The following COL21A1 variants were observed in gnomAD, a reference collection of about 807,000 sequenced individuals.
The protein encoded by COL21A1 is collagen type XXI alpha 1 chain, also known as collagen alpha-1(XXI) chain.
COL21A1 carries 149 observed loss-of-function variants against 137.9 expected under a neutral mutation model. That is an observed-to-expected ratio of 1.08 (90% CI 0.95 to 1.24). The LOEUF (loss-of-function observed/expected upper bound fraction) is 1.24. Among genes scored for constraint, COL21A1 ranks in the 50% most tolerant of loss-of-function variants. The pLI is 0.00. For missense variants in COL21A1, 1,167 were observed against 1,158.4 expected (o/e 1.01, Z -0.11); for synonymous variants, 456 against 391.5 (o/e 1.16, Z -1.95).
chr6:56,206,416 G>C (rs1383046852), intron 1 of COL21A1, among the ~76,000 whole-genome samples: 1 of 151,648 alleles, frequency 6.6e-6, no homozygotes, highest in Non-Finnish European at 1.5e-5. Flanking sequence ...AATGGTAAAG[G>C]GCTCAATGCA....
intron 1 of COL21A1, among the ~76,000 whole-genome samples, chr6:56,359,612 A>G (rs1184081131): frequency 6.6e-6 from 1 of 152,200 alleles, no homozygotes; most frequent in Non-Finnish European, 1.5e-5. Flanking sequence ...TCTAAAGGAG[A>G]CATTTCTGAG....
intron 1 of COL21A1, among the ~76,000 whole-genome samples, chr6:56,334,958 C>G (rs1198683417): frequency 6.6e-6 from 1 of 152,130 alleles, no homozygotes; most frequent in Non-Finnish European, 1.5e-5. Context: ...TCTTGAACTT[C>G]CAGGCCTTCA....
At chr6:56,142,279 T>C (rs1167060418) in intron 10 of COL21A1, among the ~76,000 whole-genome samples, 1 of 152,130 alleles carries the variant, frequency 6.6e-6, no homozygotes, top group Non-Finnish European at 1.5e-5. Context: ...ATGTACTGGA[T>C]TTATCAGAAA....
intron 1 of COL21A1, among the ~76,000 whole-genome samples, chr6:56,374,387 A>G (rs1231060102): frequency 2.6e-5 from 4 of 152,334 alleles, no homozygotes; most frequent in Middle Eastern, 6.8e-3. Flanking sequence ...TCCCCAGTAG[A>G]ACAAAATAGG....
At chr6:56,165,203 C>A (rs888253403) in intron 7 of COL21A1, among the ~76,000 whole-genome samples, 3 of 152,168 alleles carry the variant, frequency 2.0e-5, no homozygotes, top group Admixed American at 1.3e-4. Context: ...GAGGAAGTCA[C>A]AAACTGCATG....
intron 3 of COL21A1, among the ~76,000 whole-genome samples, chr6:56,176,880 A>G (rs1331233597): frequency 8.0e-6 from 1 of 124,956 alleles, no homozygotes; most frequent in Non-Finnish European, 1.6e-5. Context: ...AGGAAAGAGG[A>G]GGAAGGGGGA....
At chr6:56,148,095 C>A (rs897695921) in intron 10 of COL21A1, among the ~76,000 whole-genome samples, 8 of 152,088 alleles carry the variant, frequency 5.3e-5, no homozygotes, top group Admixed American at 4.6e-4. Flanking sequence ...CTCCAAGAGG[C>A]AGGACTGTCA....
chr6:56,369,094 C>G (rs889195953), intron 1 of COL21A1, among the ~76,000 whole-genome samples: 25 of 152,040 alleles, frequency 1.6e-4, no homozygotes, highest in African/African-American at 6.0e-4. Context: ...AGCTGAATAT[C>G]GAGAACCAAT....
chr6:56,240,098 A>G (rs866540098), intron 1 of COL21A1, among the ~76,000 whole-genome samples: 2 of 150,282 alleles, frequency 1.3e-5, no homozygotes, highest in Non-Finnish European at 2.9e-5. Flanking sequence ...AAGATGTGTC[A>G]TTTGCCTTCC....
At chr6:56,289,520 T>C (rs1763991023) in intron 1 of COL21A1, among the ~76,000 whole-genome samples, 1 of 152,228 alleles carries the variant, frequency 6.6e-6, no homozygotes, top group Admixed American at 6.5e-5. Context: ...TACCTGGTTC[T>C]GAAACTTTAT....
chr6:56,340,962 G>A (rs767808115), intron 1 of COL21A1, among the ~76,000 whole-genome samples: 1 of 152,130 alleles, frequency 6.6e-6, no homozygotes, highest in Non-Finnish European at 1.5e-5. Flanking sequence ...GTCTCCTTAT[G>A]CCTACAGTAC....
At position 56,166,980 on chromosome 6, in the gene COL21A1, C is replaced by A; in HGVS notation, c.1204G>T (p.Asp402Tyr). The A allele has an allele frequency of 6.2e-7, 1 of 1,609,372 alleles. No individual in the cohort carries two copies. The highest frequency in any genetic ancestry group is 1.1e-5 in the South Asian group (1 of 90,102). ...YSGKEETVQF[D>Y]VQKLRIYCDP... ...CAGTAGATTCGCAACTTTTGGACAT[C>A]AAACTAAGAACATAAACCCAGTAGA... The change falls in exon 7 of 30, where the codon GAT becomes TAT. Residue 402 changes from aspartate to tyrosine, a missense_variant. Asp to Tyr is a radical substitution (Grantham distance 160). Coordinates refer to ENST00000244728, the MANE Select transcript of COL21A1 (RefSeq NM_030820.4).
At chr6:56,286,882 G>A (rs1265057216) in intron 1 of COL21A1, among the ~76,000 whole-genome samples, 1 of 152,208 alleles carries the variant, frequency 6.6e-6, no homozygotes, top group Non-Finnish European at 1.5e-5. Context: ...CCTAGAGAGA[G>A]ATGAAACTAT....
chr6:56,174,547 T>C (rs957587332), intron 3 of COL21A1, among the ~76,000 whole-genome samples: 2 of 151,984 alleles, frequency 1.3e-5, no homozygotes, highest in African/African-American at 4.8e-5. Flanking sequence ...ATCAACAAAT[T>C]GGTAACCTAG....
chr6:56,180,142 G>T lies in COL21A1; in HGVS notation c.89-13C>A. 1 of 1,585,572 alleles carries T rather than the reference G, an allele frequency of 6.3e-7. No homozygotes were observed. The highest frequency in any genetic ancestry group is 8.6e-7 in the Non-Finnish European group (1 of 1,168,602). On this transcript the variant is annotated splice_polypyrimidine_tract_variant and intron_variant, in intron 2 of 29. Coordinates refer to ENST00000244728, the MANE Select transcript of COL21A1 (RefSeq NM_030820.4). ...GCAGTACGACAACCTAAGTGCAAAA[G>T]AAAACCATCATAGCACATCTTTTAT...
chr6:56,239,647 A>T (rs985110489), intron 1 of COL21A1, among the ~76,000 whole-genome samples: 1 of 152,204 alleles, frequency 6.6e-6, no homozygotes, highest in African/African-American at 2.4e-5. Flanking sequence ...AAATTTGTTT[A>T]GTCATCATGA....
intron 1 of COL21A1, among the ~76,000 whole-genome samples, chr6:56,192,947 A>G (rs1187457257): frequency 6.6e-6 from 1 of 152,228 alleles, no homozygotes; most frequent in Non-Finnish European, 1.5e-5. Context: ...CTGGATTAAG[A>G]AAATGTGGCA....
intron 1 of COL21A1, among the ~76,000 whole-genome samples, chr6:56,388,847 T>A (rs552351181): frequency 1.5e-4 from 23 of 152,206 alleles, no homozygotes; most frequent in Non-Finnish European, 3.4e-4. Context: ...CAGACAGAAT[T>A]CAAAACAGTT....
chr6:56,160,498 T>C (rs1582519018), intron 9 of COL21A1, among the ~76,000 whole-genome samples: 1 of 152,248 alleles, frequency 6.6e-6, no homozygotes, highest in Admixed American at 6.5e-5. Flanking sequence ...TGAAGAATGC[T>C]AGAAAATTTA....
Sources: allele counts gnomAD v4.1 joint callset (sites outside exome capture counted in the v4.1 genomes callset), GRCh38; gene constraint gnomAD v4.1.1; transcripts MANE v1.5; gene names NCBI Gene and HGNC (gene_info 2026-07-23, HGNC 2026-07-21).